UCHL5: variants seen among roughly 807,000 people sequenced by gnomAD.
UCHL5 encodes ubiquitin C-terminal hydrolase L5, also known as ubiquitin carboxyl-terminal hydrolase isozyme L5.
A neutral mutation model predicts 53.8 loss-of-function variants in UCHL5; 34 were observed. The observed-to-expected ratio is 0.63, with a 90% confidence interval of 0.48 to 0.84. The LOEUF (loss-of-function observed/expected upper bound fraction) is 0.84. Among genes scored for constraint, UCHL5 ranks in the 40% least tolerant of loss-of-function variants. The pLI is 0.00. For missense variants in UCHL5, 290 were observed against 385.6 expected, an observed-to-expected ratio of 0.75 and a Z score of 2.08; for synonymous variants, 111 against 126.3, an observed-to-expected ratio of 0.88 and a Z score of 0.81.
At chr1:193,044,727 G>A (rs1666826857) in intron 3 of UCHL5, among the ~76,000 whole-genome samples, 2 of 151,754 alleles carry the variant, frequency 1.3e-5, no homozygotes, top group African/African-American at 4.8e-5. Context: ...CAGACATCCT[G>A]GATTGGAAAT....
intron 3 of UCHL5, among the ~76,000 whole-genome samples, chr1:193,042,780 A>T (rs905577592): frequency 1.3e-5 from 2 of 152,204 alleles, no homozygotes; most frequent in African/African-American, 4.8e-5. Flanking sequence ...TACTCTAAAG[A>T]TAAAGACAAA....
At chr1:193,050,668 C>T (rs192131577) in intron 2 of UCHL5, among the ~76,000 whole-genome samples, 4 of 152,124 alleles carry the variant, frequency 2.6e-5, no homozygotes, top group African/African-American at 9.6e-5. Context: ...ATCACTTGTA[C>T]CCGGGAGGCA....
intron 10 of UCHL5, among the ~76,000 whole-genome samples, chr1:193,019,711 C>G (rs1656198426): frequency 6.6e-6 from 1 of 151,648 alleles, no homozygotes; most frequent in African/African-American, 2.4e-5. Flanking sequence ...TGTTCTCTAA[C>G]TATGCTCTCA....
intron 2 of UCHL5, among the ~76,000 whole-genome samples, chr1:193,051,408 A>G (rs1668995632): frequency 6.8e-6 from 1 of 147,880 alleles, no homozygotes; most frequent in Non-Finnish European, 1.5e-5. Flanking sequence ...ACACTGAGCT[A>G]TTGTTCTTGC....
At chr1:193,056,538 C>T (rs577761119) in intron 1 of UCHL5, among the ~76,000 whole-genome samples, 5 of 152,264 alleles carry the variant, frequency 3.3e-5, no homozygotes, top group East Asian at 1.9e-4. Flanking sequence ...CAGACCATCA[C>T]GGTTTGTTTT....
chr1:193,020,220 T>C, intron 10 of UCHL5: 1 of 1,404,310 alleles, frequency 7.1e-7, no homozygotes, highest in South Asian at 1.7e-5. Context: ...ACATCTCATA[T>C]TATTTAGAAT....
At chr1:193,056,006 A>C (rs1380876022) in intron 1 of UCHL5, among the ~76,000 whole-genome samples, 3 of 152,176 alleles carry the variant, frequency 2.0e-5, no homozygotes, top group Non-Finnish European at 4.4e-5. Flanking sequence ...CAGTGAAGCC[A>C]CCTTGGCTAG....
chr1:193,016,362 C>A lies in UCHL5; in HGVS notation c.976G>T (p.Glu326Ter). The change falls in exon 11 of 11, where the codon GAA (glutamate) becomes TAA (stop). Residue 326 changes from glutamate to a stop codon, truncating the protein, a stop_gained. Coordinates refer to ENST00000367454, the MANE Select transcript of UCHL5 (RefSeq NM_001199261.3). LOFTEE classifies it high-confidence loss of function. ...ATCTGAAAACATCTTCATTTGGTTT[C>A]CTGAGCTTTCTTTGCGTTCTGTTTT... The part of the protein sequence containing the change: ...KEKQNAKKAQ[E>*]TK 6.2e-7 allele frequency: 1 copy of A among 1,603,336 alleles called. No individual in the cohort carries two copies. The highest frequency in any genetic ancestry group is 8.5e-7 in the Non-Finnish European group (1 of 1,176,804).
At chr1:193,022,842 G>A in intron 9 of UCHL5, 84 bp downstream of exon 9, 1 of 886,520 alleles carries the variant, frequency 1.1e-6, no homozygotes, top group Non-Finnish European at 1.8e-6. Flanking sequence ...AGGAGGGAAA[G>A]CCATCAGATA....
At chr1:193,059,790 G>C, upstream of UCHL5, 1 of 1,356,586 alleles carries the variant, frequency 7.4e-7, no homozygotes, top group South Asian at 1.2e-5. The surrounding 1 kb of genome is among the most constrained non-coding windows in gnomAD (Gnocchi z 4.9). Context: ...AGGACATTGC[G>C]GGAGGCCGGC....
rs1173082318 is a variant in UCHL5 at position 193,022,997 on chromosome 1, C to T, written c.772G>A (p.Ala258Thr). 6.2e-7 allele frequency: 1 copy of T among 1,613,348 alleles called. No individual in the cohort carries two copies. The highest frequency in any genetic ancestry group is 8.5e-7 in the Non-Finnish European group (1 of 1,179,604). ...TTTTTGGCAACTTCTGACTGAATAG[C>T]ACTTAACATACTATTACCTTGATCT... ...DTDQGNSMLS[A>T]IQSEVAKNQM... Residue 258 changes from alanine (A) to threonine (T), a missense_variant, in exon 9 of 11, where the codon GCT becomes ACT. Coordinates refer to ENST00000367454, the MANE Select transcript of UCHL5 (RefSeq NM_001199261.3).
intron 3 of UCHL5, among the ~76,000 whole-genome samples, chr1:193,035,271 A>G (rs1662944935): frequency 6.6e-6 from 1 of 152,076 alleles, no homozygotes; most frequent in African/African-American, 2.4e-5. Flanking sequence ...CTACCCAAAG[A>G]AAACTACTCC....
chr1:193,059,019 C>T lies in UCHL5; in HGVS notation c.76+166G>A, dbSNP rs1370446418. ...AATTACTGTGGAAACGCGACTGTCT[C>T]GAGCTGAGGAGAGGGCAGAACATCT... is the stretch of plus-strand genomic sequence containing the variant. On this transcript the variant is annotated intron_variant, in intron 1 of 10. Transcript: ENST00000367454. This position sits in a 1 kb window ranked among gnomAD's most constrained non-coding sequence, Gnocchi z 4.9. Among the ~76,000 whole-genome samples, 1 of 152,198 alleles carries T rather than the reference C, an allele frequency of 6.6e-6. No individual in the cohort carries two copies. The highest frequency in any genetic ancestry group is 1.9e-4 in the East Asian group (1 of 5,182).
chr1:193,032,680 GA>G (rs1328964664), intron 3 of UCHL5, among the ~76,000 whole-genome samples: 1 of 151,940 alleles, frequency 6.6e-6, no homozygotes, highest in Non-Finnish European at 1.5e-5. Flanking sequence ...AAATGCAGAA[GA>G]AAAAAATAAA....
chr1:193,056,423 T>G (rs1207220020), intron 1 of UCHL5, among the ~76,000 whole-genome samples: 2 of 152,180 alleles, frequency 1.3e-5, no homozygotes, highest in African/African-American at 4.8e-5. Context: ...ACTTTCTTAT[T>G]AAAATGAAAG....
In UCHL5 at chr1:193,045,166, G is replaced by A. The variant is rs371605546; in HGVS notation, c.246+4580C>T. Among the ~76,000 whole-genome samples, 43 of 152,120 alleles carry A rather than the reference G, an allele frequency of 2.8e-4. No individual in the cohort carries two copies. In the South Asian group the frequency reaches 8.7e-3, roughly 31 times the overall value. On this transcript the variant is annotated intron_variant, in intron 3 of 10. Transcript: ENST00000367454. ...AATAGTAATATTCTTAGAGATGAAC[G>A]GTTCGGTCTGCATTTATTGGATACC...
At chr1:193,021,598 G>A (rs1207776228) in intron 9 of UCHL5, among the ~76,000 whole-genome samples, 7 of 152,010 alleles carry the variant, frequency 4.6e-5, no homozygotes, top group South Asian at 4.1e-4. Flanking sequence ...ATTTTTTATC[G>A]AAAGGGGGTA....
At chr1:193,040,454 C>T (rs1226442558) in intron 3 of UCHL5, among the ~76,000 whole-genome samples, 1 of 152,140 alleles carries the variant, frequency 6.6e-6, no homozygotes, top group African/African-American at 2.4e-5. Context: ...TATCATCTCA[C>T]CCAAGTTAAA....
intron 9 of UCHL5, among the ~76,000 whole-genome samples, chr1:193,022,664 C>CA (rs1291548226): frequency 0.092 from 4,899 of 53,118 alleles, 152 homozygotes; most frequent in African/African-American, 0.14. Flanking sequence ...AGACTCTGTC[C>CA]AAAAAAAAAA....
Sources: allele counts gnomAD v4.1 joint callset (sites outside exome capture counted in the v4.1 genomes callset), GRCh38; gene constraint gnomAD v4.1.1; non-coding constraint Gnocchi (gnomAD v3.1); transcripts MANE v1.5; gene names NCBI Gene and HGNC (gene_info 2026-07-23, HGNC 2026-07-21).